GDI2: variants seen among roughly 807,000 people sequenced by gnomAD.
GDI2 encodes the protein rab GDP dissociation inhibitor beta.
A neutral mutation model predicts 54.2 loss-of-function variants in GDI2; 22 were observed. That is an observed-to-expected ratio of 0.41 (90% CI 0.29 to 0.58). The LOEUF (loss-of-function observed/expected upper bound fraction) is 0.58. Among genes scored for constraint, GDI2 ranks in the 20% least tolerant of loss-of-function variants. The probability of loss-of-function intolerance (pLI) is 0.35; values close to 1 mark genes in which losing one functional copy is unlikely to be tolerated. For synonymous variants in GDI2, 177 were observed against 182.1 expected (o/e 0.97, Z 0.23); for missense variants, 422 against 546.0 (o/e 0.77, Z 2.26).
intron 4 of GDI2, among the ~76,000 whole-genome samples, chr10:5,794,512 T>G (rs765026381): frequency 7.9e-5 from 12 of 151,994 alleles, no homozygotes; most frequent in Admixed American, 2.0e-4. Context: ...TAGAGATGTT[T>G]CAGAAGTCAA....
At chr10:5,794,188 A>ATATATATATATATATAT (rs1554789557) in intron 4 of GDI2, among the ~76,000 whole-genome samples, 1 of 40,340 alleles carries the variant, frequency 2.5e-5, no homozygotes, top group Non-Finnish European at 4.2e-5. Context: ...AAAAAAAAAA[A>ATATATATATATATATAT]ATATATATAT....
At chr10:5,803,120 A>G (rs762768482) in intron 1 of GDI2, among the ~76,000 whole-genome samples, 5 of 152,268 alleles carry the variant, frequency 3.3e-5, no homozygotes, top group Non-Finnish European at 5.9e-5. Context: ...TAAGCCAGAC[A>G]TTAAAGGATT....
chr10:5,772,792 T>C (rs1020861867), intron 7 of GDI2, among the ~76,000 whole-genome samples: 4 of 152,116 alleles, frequency 2.6e-5, no homozygotes, highest in African/African-American at 4.8e-5. Flanking sequence ...AACATTTTAG[T>C]AGATAAAACA....
intron 1 of GDI2, among the ~76,000 whole-genome samples, chr10:5,802,363 G>GGCA (rs1435273939): frequency 7.0e-6 from 1 of 142,140 alleles, no homozygotes; most frequent in African/African-American, 3.1e-5. Context: ...CACTTTGAGA[G>GGCA]GCCGAGGCGG....
intron 1 of GDI2, among the ~76,000 whole-genome samples, chr10:5,801,660 G>A (rs1333036919): frequency 6.9e-6 from 1 of 143,930 alleles, no homozygotes; most frequent in Non-Finnish European, 1.5e-5. Context: ...TGGGCAACAA[G>A]AGCTAAACTC....
Position 5,774,036 on chromosome 10 carries a change from A to G in GDI2, c.720-95T>C. On this transcript the variant is annotated intron_variant, in intron 6 of 10. Transcript: ENST00000380191. The surrounding 1 kb of genome is among the most constrained non-coding windows in gnomAD (Gnocchi z 4.8). ...TCTTAATGAGTTACAGACAATATAC[A>G]TTTGTTCAATTTCCTTCTAGAAAGA... 1.7e-6 allele frequency: 1 copy of G among 587,396 alleles called. No individual in the cohort carries two copies. Among genetic ancestry groups the G allele is most frequent in the Non-Finnish European group, 3.0e-6 (1 of 337,706 alleles). The allele number at this position is 587,396 out of a possible 1,614,324, so 36.4% of individuals were successfully genotyped here. A position where few individuals can be genotyped will look rare whatever the true frequency, so the allele number is the denominator to read the frequency against.
In GDI2 at chr10:5,774,858, A is replaced by C. The variant is rs1840582637; in HGVS notation, c.720-917T>G. On this transcript the variant is annotated intron_variant, in intron 6 of 10. Transcript: ENST00000380191. This position sits in a 1 kb window ranked among gnomAD's most constrained non-coding sequence, Gnocchi z 4.8. ...TCGCGGGACTATCCACATCAGAGGC[A>C]AATCTGCCATTTCTCTGGATTCACA... Among the ~76,000 whole-genome samples the C allele has an allele frequency of 1.3e-5, 2 of 152,166 alleles. No individual in the cohort carries two copies. The highest frequency in any genetic ancestry group is 4.8e-5 in the African/African-American group (2 of 41,416).
intron 1 of GDI2, among the ~76,000 whole-genome samples, chr10:5,810,635 T>C (rs1487318706): frequency 1.3e-5 from 2 of 152,228 alleles, no homozygotes; most frequent in Non-Finnish European, 2.9e-5. Flanking sequence ...ATCTTCACTA[T>C]GTGAAAACTT....
Position 5,766,779 on chromosome 10 carries a change from G to A in GDI2, c.992-141C>T. On this transcript the variant is annotated intron_variant, in intron 8 of 10. Transcript: ENST00000380191. This position sits in a 1 kb window ranked among gnomAD's most constrained non-coding sequence, Gnocchi z 5.8. ...ATCTTCTACACTTAAGTTCTAAATG[G>A]TGACAGAGTTGGATGTAAAGTACAC... is the stretch of plus-strand genomic sequence containing the variant. The A allele has an allele frequency of 1.6e-6, 1 of 631,714 alleles. No individual in the cohort carries two copies. The highest frequency in any genetic ancestry group is 2.0e-5 in the South Asian group (1 of 50,140). The allele number at this position is 631,714 out of a possible 1,614,324, so 39.1% of individuals were successfully genotyped here.
chr10:5,813,286 G>T lies in GDI2; in HGVS notation c.-28C>A. 6.4e-7 allele frequency: 1 copy of T among 1,561,684 alleles called. No individual in the cohort carries two copies. ...CGGGGCAGGCGCGGACGCAGGACCC[G>T]AGCAAGGAAAAGGCGCAGGGGCTCC... On this transcript the variant is annotated 5_prime_UTR_variant, in exon 1 of 11. Transcript: ENST00000380191.
chr10:5,770,216 G>A (rs1588965684), intron 7 of GDI2, among the ~76,000 whole-genome samples: 1 of 152,202 alleles, frequency 6.6e-6, no homozygotes, highest in East Asian at 1.9e-4. Context: ...GCCAGTGGCT[G>A]GAAGCAGAGA....
chr10:5,775,521 C>T (rs1031584463), intron 6 of GDI2, among the ~76,000 whole-genome samples: 2 of 152,018 alleles, frequency 1.3e-5, no homozygotes, highest in Non-Finnish European at 2.9e-5. Context: ...GAATTTGGGG[C>T]GGCCAGAGGA....
At chr10:5,811,575 C>G (rs535695064) in intron 1 of GDI2, among the ~76,000 whole-genome samples, 1 of 151,308 alleles carries the variant, frequency 6.6e-6, no homozygotes, top group Non-Finnish European at 1.5e-5. Context: ...TCTTAAAACA[C>G]GCTGGCAGCA....
chr10:5,792,109 T>C (rs539771283), intron 4 of GDI2, among the ~76,000 whole-genome samples: 58 of 152,308 alleles, frequency 3.8e-4, no homozygotes, highest in Non-Finnish European at 5.6e-4. Context: ...TATGTAATCA[T>C]TGTTAAAATA....
intron 4 of GDI2, among the ~76,000 whole-genome samples, chr10:5,794,188 AATATATATATATATATATAT>A (rs1165735549): frequency 2.0e-4 from 8 of 40,344 alleles, no homozygotes; most frequent in African/African-American, 7.1e-4. Context: ...AAAAAAAAAA[AATATATATATATATATATAT>A]ATATATATAT....
chr10:5,772,783 AC>A lies in GDI2; in HGVS notation c.819+1058del, dbSNP rs1840520862. ...TCTCAAATAAATAAATAAATAAATA[AC>A]ATTTTAGTAGATAAAACACACAAAT... On this transcript the variant is annotated intron_variant, in intron 7 of 10. Coordinates refer to ENST00000380191, the MANE Select transcript of GDI2 (RefSeq NM_001494.4). Among the ~76,000 whole-genome samples, 2 of 152,094 alleles carry A rather than the reference AC, an allele frequency of 1.3e-5. 1 individual carries two copies. The highest frequency in any genetic ancestry group is 4.2e-4 in the South Asian group (2 of 4,816).
chr10:5,813,003 C>T (rs964602032), intron 1 of GDI2, among the ~76,000 whole-genome samples: 1 of 152,166 alleles, frequency 6.6e-6, no homozygotes, highest in Non-Finnish European at 1.5e-5. Context: ...TCCATTTCCC[C>T]GCCTGCCCCT....
chr10:5,792,865 T>C lies in GDI2; in HGVS notation c.388+2020A>G, dbSNP rs545412510. Among the ~76,000 whole-genome samples, 10 of 147,528 alleles carry C rather than the reference T, an allele frequency of 6.8e-5. No individual in the cohort carries two copies. The East Asian group carries it at 2.0e-3, about 29-fold the overall frequency. On this transcript the variant is annotated intron_variant, in intron 4 of 10. Coordinates refer to ENST00000380191, the MANE Select transcript of GDI2 (RefSeq NM_001494.4). The stretch of plus-strand genomic sequence containing the variant: ...CAGAGAAAATAAAACTGCCAAACGA[T>C]AATTTCTATTAGATGAAGGAGGTAA...
At chr10:5,767,405 G>C (rs1840372269) in intron 8 of GDI2, among the ~76,000 whole-genome samples, 1 of 151,950 alleles carries the variant, frequency 6.6e-6, no homozygotes. Flanking sequence ...TCAAACTCCT[G>C]AGCTCAAGTG....
Sources: gnomAD v4.1 joint callset for allele counts (sites outside exome capture counted in the v4.1 genomes callset) on GRCh38, gnomAD v4.1.1 for gene constraint, Gnocchi (gnomAD v3.1) non-coding constraint, MANE v1.5 for transcripts, NCBI Gene and HGNC (gene_info 2026-07-23, HGNC 2026-07-21) for gene names.